The following LPCAT2 variants were observed in gnomAD, a reference collection of about 807,000 sequenced individuals.
LPCAT2 encodes the protein 1-AGP acyltransferase 11.
In LPCAT2, 58 loss-of-function variants were observed where a neutral mutation model predicts 64.7. The observed-to-expected ratio is 0.90, with a 90% confidence interval of 0.73 to 1.12. The LOEUF is 1.12. Ranked by LOEUF, LPCAT2 falls within the 50% of genes most tolerant of loss-of-function variation. LPCAT2 has a pLI of 0.00. For missense variants in LPCAT2, 579 were observed against 669.8 expected (o/e 0.86, Z 1.50); for synonymous variants, 252 against 245.3 (o/e 1.03, Z -0.26).
At chr16:55,565,308 A>T (rs1174709877) in intron 11 of LPCAT2, among the ~76,000 whole-genome samples, 1 of 152,076 alleles carries the variant, frequency 6.6e-6, no homozygotes, top group Admixed American at 6.6e-5. Context: ...TAGTTCCTTA[A>T]AAAGATAAAA....
chr16:55,573,494 G>A (rs183523151), intron 11 of LPCAT2, among the ~76,000 whole-genome samples: 8 of 152,048 alleles, frequency 5.3e-5, no homozygotes, highest in Admixed American at 1.3e-4. Context: ...TGATTGAAGC[G>A]TAGATACTTC....
intron 11 of LPCAT2, among the ~76,000 whole-genome samples, chr16:55,573,551 G>A (rs564553920): frequency 1.3e-5 from 2 of 152,186 alleles, no homozygotes; most frequent in African/African-American, 4.8e-5. Flanking sequence ...ATTATTATTA[G>A]TCTATCAAAT....
At chr16:55,576,185 C>T (rs1596890048) in intron 12 of LPCAT2, among the ~76,000 whole-genome samples, 2 of 145,530 alleles carry the variant, frequency 1.4e-5, no homozygotes. Context: ...CTATAATTAG[C>T]TTTTTTTTTT....
chr16:55,562,031 A>T (rs1309298453), intron 11 of LPCAT2, among the ~76,000 whole-genome samples: 2 of 152,018 alleles, frequency 1.3e-5, no homozygotes, highest in Non-Finnish European at 2.9e-5. Context: ...TTTCCAAAGT[A>T]ATTTCACATC....
intron 11 of LPCAT2, chr16:55,551,411 A>G (rs1434660014): frequency 3.9e-5 from 6 of 153,336 alleles, no homozygotes; most frequent in African/African-American, 1.4e-4. Flanking sequence ...ACCAGGTCAG[A>G]AATAAATATT....
At chr16:55,539,143 A>G (rs1342593701) in intron 8 of LPCAT2, 1 of 151,962 alleles carries the variant, frequency 6.6e-6, no homozygotes, top group Non-Finnish European at 1.5e-5. Flanking sequence ...TTTTTGCCAT[A>G]GCATGTCAGT....
At chr16:55,549,134 C>G (rs1963485525) in intron 9 of LPCAT2, 143 bp from the exon 10 acceptor site, 1 of 576,298 alleles carries the variant, frequency 1.7e-6, no homozygotes, top group African/African-American at 2.0e-5. Flanking sequence ...GTCTCTTTGT[C>G]AAGAAAAGCG....
chr16:55,562,212 A>G (rs1501998), intron 11 of LPCAT2, among the ~76,000 whole-genome samples: 13,341 of 151,760 alleles, frequency 0.088, 833 homozygotes, highest in African/African-American at 0.17. Context: ...TGTACTATTC[A>G]CCATCTCTTG....
At chr16:55,582,383 C>G (rs568016053) in intron 13 of LPCAT2, among the ~76,000 whole-genome samples, 1 of 152,232 alleles carries the variant, frequency 6.6e-6, no homozygotes, top group East Asian at 1.9e-4. Context: ...TTAGTTTTGT[C>G]TAAGTTTTTG....
chr16:55,542,700 A>G (rs1323411318), intron 8 of LPCAT2, among the ~76,000 whole-genome samples: 3 of 152,130 alleles, frequency 2.0e-5, no homozygotes, highest in Non-Finnish European at 2.9e-5. Flanking sequence ...GGGAGTGGAT[A>G]AAGAGGGATG....
chr16:55,547,991 CT>C (rs1421543835), intron 9 of LPCAT2, among the ~76,000 whole-genome samples: 2 of 152,182 alleles, frequency 1.3e-5, no homozygotes, highest in Non-Finnish European at 2.9e-5. Flanking sequence ...TGGTCTCGAA[CT>C]CCTGACCTCG....
chr16:55,568,486 A>T (rs937718545), intron 11 of LPCAT2, among the ~76,000 whole-genome samples: 13 of 152,226 alleles, frequency 8.5e-5, no homozygotes, highest in Admixed American at 3.3e-4. Context: ...GAGAACACAT[A>T]TTGCTGACTA....
chr16:55,580,331 A>C lies in LPCAT2; in HGVS notation c.1450+1087A>C, dbSNP rs2142426499. On this transcript the variant is annotated intron_variant, in intron 13 of 13. Coordinates refer to ENST00000262134, the MANE Select transcript of LPCAT2 (RefSeq NM_017839.5). ...ATGAGTCATAAATTCAAGTGTACTAATTCTTCTCTGGCTATTTTCATAAGG... is the reference window on the plus strand; with the variant it reads ...ATGAGTCATAAATTCAAGTGTACTACTTCTTCTCTGGCTATTTTCATAAGG... 2.0e-5 allele frequency among the ~76,000 whole-genome samples: 3 copies of C among 152,314 alleles called. 1 individual carries two copies. The Middle Eastern group carries it at 0.01, about 518-fold the overall frequency.
chr16:55,569,019 T>G (rs1469020112), intron 11 of LPCAT2, among the ~76,000 whole-genome samples: 1 of 152,178 alleles, frequency 6.6e-6, no homozygotes, highest in African/African-American at 2.4e-5. Context: ...ATTGTCTCTA[T>G]CCCAGGCTAC....
chr16:55,532,025 C>A, intron 5 of LPCAT2, 51 bp downstream of exon 5: 1 of 1,167,946 alleles, frequency 8.6e-7, no homozygotes, highest in Non-Finnish European at 1.3e-6. Context: ...TGAGATTTTG[C>A]AAATGATTTT....
intron 1 of LPCAT2, 61 bp from the exon 2 acceptor site, chr16:55,525,447 T>C: frequency 6.7e-7 from 1 of 1,487,760 alleles, no homozygotes; most frequent in South Asian, 1.3e-5. Context: ...CATGTTTCTG[T>C]TTGATAGCCA....
At chr16:55,564,784 AATG>A (rs1963674017) in intron 11 of LPCAT2, among the ~76,000 whole-genome samples, 2 of 152,020 alleles carry the variant, frequency 1.3e-5, no homozygotes, top group Non-Finnish European at 2.9e-5. Flanking sequence ...TGGATTTCTC[AATG>A]ATTTCTTGAA....
At chr16:55,575,473 G>A (rs1294077954) in intron 12 of LPCAT2, among the ~76,000 whole-genome samples, 1 of 152,116 alleles carries the variant, frequency 6.6e-6, no homozygotes, top group African/African-American at 2.4e-5. Flanking sequence ...TCAAGTAAAA[G>A]AGAAACTTCA....
chr16:55,586,043 A>G lies in LPCAT2; in HGVS notation c.*2945A>G, dbSNP rs1963941855. On this transcript the variant is annotated 3_prime_UTR_variant, in exon 14 of 14. Coordinates refer to ENST00000262134, the MANE Select transcript of LPCAT2 (RefSeq NM_017839.5). Reference sequence around the variant, plus strand: ...ATACTGGTGCAAGACCATTCCCGGGAAAGTAGACATACTTACATTTTTTTC... The same window carrying G: ...ATACTGGTGCAAGACCATTCCCGGGGAAGTAGACATACTTACATTTTTTTC... The G allele has an allele frequency of 6.6e-6, 1 of 152,156 alleles. No homozygotes were observed. The highest frequency in any genetic ancestry group is 1.5e-5 in the Non-Finnish European group (1 of 68,024). 9.4% of individuals were successfully genotyped at this position (152,156 alleles called of 1,614,324 possible).
Sources: gnomAD v4.1 joint callset for allele counts (sites outside exome capture counted in the v4.1 genomes callset) on GRCh38, gnomAD v4.1.1 for gene constraint, MANE v1.5 for transcripts, NCBI Gene and HGNC (gene_info 2026-07-23, HGNC 2026-07-21) for gene names.